KDR: variants seen among roughly 807,000 people sequenced by gnomAD.
KDR encodes the protein kinase insert domain receptor, also known as vascular endothelial growth factor receptor 2.
KDR carries 43 observed loss-of-function variants against 160.9 expected under a neutral mutation model. That is an observed-to-expected ratio of 0.27 (90% CI 0.21 to 0.34). KDR has a LOEUF of 0.34. KDR is among the 10% of genes least tolerant of loss of function. The pLI, the probability that KDR is intolerant of heterozygous loss-of-function variation, is 1.00. For missense variants in KDR, 1,469 were observed against 1,666.4 expected (o/e 0.88, Z 2.06); for synonymous variants, 617 against 600.1 (o/e 1.03, Z -0.41).
At chr4:55,085,109 C>T (rs919411890) in intron 27 of KDR, among the ~76,000 whole-genome samples, 2 of 152,266 alleles carry the variant, frequency 1.3e-5, no homozygotes, top group Non-Finnish European at 2.9e-5. Flanking sequence ...TGAGGTGAAA[C>T]TCCCAGGGAA....
chr4:55,102,659 T>C (rs1720344864), intron 13 of KDR, 151 bp from the exon 14 acceptor site: 1 of 790,794 alleles, frequency 1.3e-6, no homozygotes, highest in Non-Finnish European at 2.1e-6. Context: ...CTGGGTAAAG[T>C]TAAATGAAAC....
chr4:55,102,746 C>G (rs181275871), intron 13 of KDR, among the ~76,000 whole-genome samples: 1 of 152,250 alleles, frequency 6.6e-6, no homozygotes, highest in Admixed American at 6.5e-5. Context: ...AATCCCATCA[C>G]AAAAGAAAGG....
intron 4 of KDR, 54 bp from the exon 5 acceptor site, chr4:55,115,096 CATGTACAATGATCACT>C (rs1443689805): frequency 6.9e-7 from 1 of 1,447,082 alleles, no homozygotes; most frequent in African/African-American, 1.4e-5. Flanking sequence ...AAATGAGAGC[CATGTACAATGATCACT>C]GAAGAATTCA....
At chr4:55,098,302 A>T (rs1483709567) in intron 16 of KDR, 30 bp from the exon 17 acceptor site, 5 of 1,613,174 alleles carry the variant, frequency 3.1e-6, no homozygotes, top group East Asian at 2.2e-5. Flanking sequence ...CCAGTCATAA[A>T]CACACTGTTG....
chr4:55,123,223 C>T (rs1274318101), intron 1 of KDR, among the ~76,000 whole-genome samples: 1 of 152,180 alleles, frequency 6.6e-6, no homozygotes, highest in African/African-American at 2.4e-5. Context: ...AGATTTCAAA[C>T]TTGACTGGGG....
intron 12 of KDR, among the ~76,000 whole-genome samples, chr4:55,105,286 T>G (rs1472776992): frequency 6.6e-6 from 1 of 152,204 alleles, no homozygotes; most frequent in Non-Finnish European, 1.5e-5. Context: ...CTAACAGAAT[T>G]TTAAAATTAG....
At chr4:55,105,093 T>A (rs573843909) in intron 12 of KDR, 109 bp from the exon 13 acceptor site, 2 of 907,130 alleles carry the variant, frequency 2.2e-6, no homozygotes, top group East Asian at 5.1e-5. Flanking sequence ...TGAAGCTCTA[T>A]CCGTTCCAGG....
At chr4:55,092,041 T>C (rs1458831) in intron 22 of KDR, among the ~76,000 whole-genome samples, 11,987 of 152,234 alleles carry the variant, frequency 0.079, 571 homozygotes, top group Non-Finnish European at 0.11. Context: ...GTAAAATAAA[T>C]TAAAAATGAT....
In KDR at chr4:55,110,720, G is replaced by C. The variant is rs779163827; in HGVS notation, c.1025C>G (p.Ala342Gly). ...FGSGMESLVE[A>G]TVGERVRIPA... ...GATTCTGACACGCTCCCCCACCGTGGCTTCCACCAGAGATTCCATGCCACT... is the reference window on the plus strand; with the variant it reads ...GATTCTGACACGCTCCCCCACCGTGCCTTCCACCAGAGATTCCATGCCACT... Residue 342 changes from alanine to glycine, a missense_variant, in exon 8 of 30, where the codon GCC becomes GGC. Ala to Gly is a moderately conservative substitution (Grantham distance 60, BLOSUM62 0). Coordinates refer to ENST00000263923, the MANE Select transcript of KDR (RefSeq NM_002253.4). 6.2e-7 allele frequency: 1 copy of C among 1,613,408 alleles called. No individual in the cohort carries two copies. Among genetic ancestry groups the C allele is most frequent in the Non-Finnish European group, 8.5e-7 (1 of 1,179,932 alleles).
rs1720217043 is a variant in KDR at position 55,098,417 on chromosome 4, C to A, written c.2374-145G>T. 4.9e-6 allele frequency: 5 copies of A among 1,027,726 alleles called. No homozygotes were observed. The South Asian group carries it at 5.5e-5, about 11-fold the overall frequency. The allele number at this position is 1,027,726 out of a possible 1,614,324, so 63.7% of individuals were successfully genotyped here. ...AGTTTGAGAGTGGTCCTATTATAAC[C>A]CTGCTTCTAGTTTCCCTTGTCCCCC... On this transcript the variant is annotated intron_variant, in intron 16 of 29. Transcript: ENST00000263923.
chr4:55,080,247 T>A, intron 29 of KDR, 84 bp from the exon 30 acceptor site: 2 of 1,206,372 alleles, frequency 1.7e-6, no homozygotes, highest in Non-Finnish European at 2.4e-6. Flanking sequence ...CCCAACTCCA[T>A]ATGGCTGCCA....
rs946799065 is a variant in KDR at position 55,084,249 on chromosome 4, A to G, written c.3663-1614T>C. On this transcript the variant is annotated intron_variant, in intron 27 of 29. Coordinates refer to ENST00000263923, the MANE Select transcript of KDR (RefSeq NM_002253.4). ...ATTGACAAGATCAGATATGCCCTTT[A>G]GAGAATTGACTCTGGATTGAAAAGA... 2.6e-5 allele frequency among the ~76,000 whole-genome samples: 4 copies of G among 152,234 alleles called. 1 individual carries two copies. Among genetic ancestry groups the G allele is most frequent in the Admixed American group, 2.0e-4 (3 of 15,292 alleles).
At chr4:55,104,091 A>T (rs937690942) in intron 13 of KDR, among the ~76,000 whole-genome samples, 2 of 152,164 alleles carry the variant, frequency 1.3e-5, no homozygotes, top group African/African-American at 4.8e-5. Flanking sequence ...GGAGTCTTCT[A>T]GGTCTTAAAC....
At position 55,114,216 on chromosome 4, in the gene KDR, T is replaced by C. The variant is rs56181155; in HGVS notation, c.708A>G (p.Leu236=). 1.6e-3 allele frequency: 2,511 copies of C among 1,613,960 alleles called. 5 individuals are homozygous for C. The highest frequency in any genetic ancestry group is 1.5e-3 in the Non-Finnish European group (1,756 of 1,179,866). ...VVLSPSHGIE[L]SVGEKLVLNC... ...TTAAGACAAGCTTTTCTCCAACAGA[T>C]AGTTCAATTCCATGAGACGGACTCA... Residue 236 remains leucine (L), a synonymous_variant, in exon 6 of 30, where the codon CTA becomes CTG. Coordinates refer to ENST00000263923, the MANE Select transcript of KDR (RefSeq NM_002253.4).
chr4:55,118,776 A>C lies in KDR; in HGVS notation c.186T>G (p.Leu62=). ...CACTGCCACTCTGATTATTGGGCCA[A>C]AGCCAGTCCAAGTCCCTCTGTCCCC... ...TCRGQRDLDW[L]WPNNQSGSEQ... The change falls in exon 3 of 30, where the codon CTT becomes CTG. Residue 62 remains leucine (L), a synonymous_variant. Coordinates refer to ENST00000263923, the MANE Select transcript of KDR (RefSeq NM_002253.4). 1 of 1,614,178 alleles carries C rather than the reference A, an allele frequency of 6.2e-7. No homozygotes were observed.
chr4:55,081,117 C>T (rs1376247999), intron 29 of KDR, among the ~76,000 whole-genome samples: 1 of 152,192 alleles, frequency 6.6e-6, no homozygotes, highest in East Asian at 1.9e-4. Flanking sequence ...CATTGACTTT[C>T]ACAATTTCTT....
Position 55,121,243 on chromosome 4 carries a change from G to T in KDR, c.68-53C>A. 5.6e-6 allele frequency: 7 copies of T among 1,250,716 alleles called. No individual in the cohort carries two copies. In the South Asian group the frequency reaches 8.4e-5, roughly 15 times the overall value. 77.5% of individuals were successfully genotyped at this position (1,250,716 alleles called of 1,614,324 possible). A position where few individuals can be genotyped will look rare whatever the true frequency, so the allele number is the denominator to read the frequency against. On this transcript the variant is annotated intron_variant, in intron 1 of 29. Coordinates refer to ENST00000263923, the MANE Select transcript of KDR (RefSeq NM_002253.4). ...AGTTGCCACTGAGTTAGACCTAATA[G>T]GAAACACCTTCCATAAACAATGCAT... is the stretch of plus-strand genomic sequence containing the variant.
Position 55,114,947 on chromosome 4 carries a change from A to G in KDR, c.585T>C (p.Ala195=), listed in dbSNP as rs1560523056. 1 of 1,613,872 alleles carries G rather than the reference A, an allele frequency of 6.2e-7. No homozygotes were observed. The highest frequency in any genetic ancestry group is 8.5e-7 in the Non-Finnish European group (1 of 1,179,772). The change falls in exon 5 of 30, where the codon GCT becomes GCC. Residue 195 remains alanine, a synonymous_variant. Coordinates refer to ENST00000263923, the MANE Select transcript of KDR (RefSeq NM_002253.4). The stretch of plus-strand genomic sequence containing the variant: ...TTTTTGCTTCACAGAAGACCATGCC[A>G]GCATAGCTGATCATGTAGCTGGGAA... The part of the protein sequence containing the change: ...FTIPSYMISY[A]GMVFCEAKIN...
Position 55,092,608 on chromosome 4 carries a change from C to T in KDR, c.3069+9G>A. 1 of 1,597,986 alleles carries T rather than the reference C, an allele frequency of 6.3e-7. No homozygotes were observed. The highest frequency in any genetic ancestry group is 1.7e-4 in the Middle Eastern group (1 of 6,028). On this transcript the variant is annotated intron_variant, in intron 22 of 29. Coordinates refer to ENST00000263923, the MANE Select transcript of KDR (RefSeq NM_002253.4). ...AAAAGATAGCTGATTTCCCCTCAAC[C>T]TTTCTTACCTTTCGCGATGCCAAGA...
Sources: allele counts gnomAD v4.1 joint callset (sites outside exome capture counted in the v4.1 genomes callset), GRCh38; gene constraint gnomAD v4.1.1; transcripts MANE v1.5; gene names NCBI Gene and HGNC (gene_info 2026-07-23, HGNC 2026-07-21).